LMNB1: variants seen among roughly 807,000 people sequenced by gnomAD.
LMNB1 encodes the protein lamin B1.
Under a neutral mutation model 67.1 loss-of-function variants are expected in LMNB1, and 23 were observed. The ratio of observed to expected loss-of-function variants is 0.34; its 90% CI spans 0.25 to 0.49. The LOEUF (loss-of-function observed/expected upper bound fraction) is 0.49, where lower values mean the gene tolerates loss of function less well. Ranked by LOEUF, LMNB1 falls within the 20% of genes least tolerant of loss-of-function variation. LMNB1 has a pLI of 0.99. For missense variants in LMNB1, 634 were observed against 746.5 expected, an observed-to-expected ratio of 0.85 and a Z score of 1.76; for synonymous variants, 281 against 282.9, an observed-to-expected ratio of 0.99 and a Z score of 0.07.
intron 5 of LMNB1, among the ~76,000 whole-genome samples, chr5:126,812,770 G>A (rs1333426141): frequency 3.1e-5 from 4 of 128,222 alleles, no homozygotes; most frequent in Admixed American, 9.7e-5. Flanking sequence ...TCACTCTGTC[G>A]CCCAGGCTGG....
At chr5:126,789,252 T>C (rs1750889822) in intron 1 of LMNB1, among the ~76,000 whole-genome samples, 1 of 152,128 alleles carries the variant, frequency 6.6e-6, no homozygotes, top group African/African-American at 2.4e-5. Context: ...TAACAAAACA[T>C]TGGACAGGGG....
chr5:126,819,734 C>T (rs187272129), intron 6 of LMNB1, among the ~76,000 whole-genome samples: 4,159 of 152,034 alleles, frequency 0.027, 72 homozygotes, highest in Middle Eastern at 0.11. Context: ...GTGACCCACC[C>T]GCCTCAGCCT....
chr5:126,784,804 C>T (rs894518700), intron 1 of LMNB1, among the ~76,000 whole-genome samples: 12 of 151,518 alleles, frequency 7.9e-5, no homozygotes, highest in Non-Finnish European at 1.8e-4. Flanking sequence ...GAACTACAGG[C>T]GCCCTCCACC....
At chr5:126,798,784 T>TGTGTGTGTGC (rs201855609) in intron 1 of LMNB1, among the ~76,000 whole-genome samples, 147 of 151,652 alleles carry the variant, frequency 9.7e-4, no homozygotes, top group Middle Eastern at 3.4e-3. Flanking sequence ...TGTGTGTGTG[T>TGTGTGTGTGC]GCGTGTGCTT....
Position 126,836,329 on chromosome 5 carries a change from C to G in LMNB1, c.*65C>G. On this transcript the variant is annotated 3_prime_UTR_variant, in exon 11 of 11. Transcript: ENST00000261366. ...ATCTTTACCTGTATACAGTGCAGAGCCTTCTCAGAAGCACAGAATATTTTT... is the reference window on the plus strand; with the variant it reads ...ATCTTTACCTGTATACAGTGCAGAGGCTTCTCAGAAGCACAGAATATTTTT... 3.0e-6 allele frequency: 3 copies of G among 1,008,610 alleles called. No homozygotes were observed. The East Asian group carries it at 7.5e-5, about 25-fold the overall frequency. The allele number at this position is 1,008,610 out of a possible 1,614,324, so 62.5% of individuals were successfully genotyped here.
At chr5:126,813,893 T>A (rs902605584) in intron 5 of LMNB1, among the ~76,000 whole-genome samples, 1 of 152,102 alleles carries the variant, frequency 6.6e-6, no homozygotes, top group Non-Finnish European at 1.5e-5. Context: ...TTTGTTTTTC[T>A]TGTTGTTTTT....
chr5:126,820,660 G>A (rs560314553), intron 6 of LMNB1, among the ~76,000 whole-genome samples: 67 of 152,094 alleles, frequency 4.4e-4, no homozygotes, highest in South Asian at 4.4e-3. Context: ...TGAGTAGCTA[G>A]TATTACAGGC....
chr5:126,787,546 A>ATATATATATATATATTTTTTTTTT, intron 1 of LMNB1, among the ~76,000 whole-genome samples: 4 of 65,570 alleles, frequency 6.1e-5, no homozygotes, highest in African/African-American at 2.0e-4. Context: ...ATATATATAT[A>ATATATATATATATATTTTTTTTTT]TTTTTTTTTT....
At chr5:126,781,876 A>G (rs1221938168) in intron 1 of LMNB1, among the ~76,000 whole-genome samples, 1 of 152,262 alleles carries the variant, frequency 6.6e-6, no homozygotes, top group African/African-American at 2.4e-5. Flanking sequence ...TCAGCAAACA[A>G]GATACCTTAG....
chr5:126,822,695 C>A, intron 7 of LMNB1, 86 bp from the exon 8 acceptor site: 1 of 758,044 alleles, frequency 1.3e-6, no homozygotes, highest in Non-Finnish European at 2.2e-6. Context: ...CTTAGTTTAA[C>A]TGCCTGTATG....
chr5:126,783,589 T>C (rs72798249), intron 1 of LMNB1, among the ~76,000 whole-genome samples: 8,415 of 152,246 alleles, frequency 0.055, 262 homozygotes, highest in Middle Eastern at 0.092. Context: ...TCAAAAGATG[T>C]TTGATAAAGC....
rs555494743 is a variant in LMNB1, at chr5:126,830,041, T to A, written c.1612-2653T>A. ...AACTTTTGTATATGCAAATGATTACTTATATATGTAGAGATGCAATATATA... is the reference window on the plus strand; with the variant it reads ...AACTTTTGTATATGCAAATGATTACATATATATGTAGAGATGCAATATATA... On this transcript the variant is annotated intron_variant, in intron 9 of 10. Transcript: ENST00000261366. Among the ~76,000 whole-genome samples, 445 of 152,390 alleles carry A rather than the reference T, an allele frequency of 2.9e-3. 2 individuals carry two copies. The highest frequency in any genetic ancestry group is 0.01 in the African/African-American group (434 of 41,594).
intron 3 of LMNB1, among the ~76,000 whole-genome samples, chr5:126,807,959 C>T (rs1333150564): frequency 2.0e-5 from 3 of 152,042 alleles, no homozygotes; most frequent in Non-Finnish European, 4.4e-5. Flanking sequence ...GCAACCTCCA[C>T]CTCCTGGGTT....
In LMNB1 at chr5:126,810,497, C is replaced by CA; in HGVS notation, c.813+153dup. 6.6e-6 allele frequency: 4 copies of CA among 601,924 alleles called. No homozygotes were observed. The South Asian group carries it at 1.2e-4, about 19-fold the overall frequency. The allele number at this position is 601,924 out of a possible 1,614,324, so 37.3% of individuals were successfully genotyped here. ...GAAATATATAGAAAATTGATTTTTT[C>CA]AAAAAAGTGCAGTTTTCTATAAACT... is the stretch of plus-strand genomic sequence containing the variant. On this transcript the variant is annotated intron_variant, in intron 4 of 10. Coordinates refer to ENST00000261366, the MANE Select transcript of LMNB1 (RefSeq NM_005573.4).
At position 126,777,617 on chromosome 5, in the gene LMNB1, C is replaced by T; in HGVS notation, c.109C>T (p.Arg37Cys). 6.5e-7 allele frequency: 1 copy of T among 1,540,748 alleles called. No homozygotes were observed. Among genetic ancestry groups the T allele is most frequent in the South Asian group, 1.2e-5 (1 of 82,944 alleles). Residue 37 changes from arginine to cysteine, a missense_variant, in exon 1 of 11, where the codon CGC becomes TGC. Arg to Cys is a radical substitution (Grantham distance 180). Coordinates refer to ENST00000261366, the MANE Select transcript of LMNB1 (RefSeq NM_005573.4). ...LSRLQEKEELRELNDRLAVYI... is the reference protein window; with the variant it reads ...LSRLQEKEELCELNDRLAVYI... ...GCGGCTCCAGGAGAAGGAGGAGCTG[C>T]GCGAGCTCAATGACCGGCTGGCGGT...
intron 3 of LMNB1, among the ~76,000 whole-genome samples, chr5:126,808,879 TA>T (rs1382396271): frequency 6.7e-6 from 1 of 150,108 alleles, no homozygotes; most frequent in African/African-American, 2.4e-5. Context: ...TTCTAATTAT[TA>T]TTTTTTTTTT....
chr5:126,804,271 T>A (rs960373633), intron 1 of LMNB1, among the ~76,000 whole-genome samples: 8 of 92,886 alleles, frequency 8.6e-5, no homozygotes, highest in Admixed American at 4.1e-4. Context: ...AGATTTGGGG[T>A]CTTGCTATGT....
chr5:126,828,579 CTTTT>C (rs11372205), intron 9 of LMNB1, among the ~76,000 whole-genome samples: 1 of 141,974 alleles, frequency 7.0e-6, no homozygotes, highest in Admixed American at 7.0e-5. Context: ...TTGGTCCATT[CTTTT>C]TTTTTTTTTT....
Position 126,810,368 on chromosome 5 carries a change from G to C in LMNB1, c.813+18G>C. The stretch of plus-strand genomic sequence containing the variant: ...ATGCCAAAGTGAGCTCTCTTCAGAA[G>C]ATTCTTTTGAACACTTAAAATCATT... On this transcript the variant is annotated intron_variant, in intron 4 of 10. Coordinates refer to ENST00000261366, the MANE Select transcript of LMNB1 (RefSeq NM_005573.4). 2 of 1,566,830 alleles carry C rather than the reference G, an allele frequency of 1.3e-6. No individual in the cohort carries two copies. The highest frequency in any genetic ancestry group is 1.7e-6 in the Non-Finnish European group (2 of 1,143,870).
Sources: allele counts gnomAD v4.1 joint callset (sites outside exome capture counted in the v4.1 genomes callset), GRCh38; gene constraint gnomAD v4.1.1; transcripts MANE v1.5; gene names NCBI Gene and HGNC (gene_info 2026-07-23, HGNC 2026-07-21).